ENOX1: variants seen among roughly 807,000 people sequenced by gnomAD.
ENOX1 encodes candidate growth-related and time keeping constitutive hydroquinone (NADH) oxidase.
A neutral mutation model predicts 82.5 loss-of-function variants in ENOX1; 42 were observed. That is an observed-to-expected ratio of 0.51 (90% CI 0.40 to 0.66). The LOEUF (loss-of-function observed/expected upper bound fraction) is 0.66, where lower values mean the gene tolerates loss of function less well. Ranked by LOEUF, ENOX1 falls within the 30% of genes least tolerant of loss-of-function variation. The pLI is 0.00. For synonymous variants in ENOX1, 271 were observed against 282.2 expected, an observed-to-expected ratio of 0.96 and a Z score of 0.40; for missense variants, 608 against 811.6, an observed-to-expected ratio of 0.75 and a Z score of 3.05.
intron 1 of ENOX1, among the ~76,000 whole-genome samples, chr13:43,720,086 AAATT>A (rs1222005834): frequency 1.3e-4 from 9 of 67,470 alleles, no homozygotes; most frequent in Non-Finnish European, 3.0e-4. Context: ...AAATTGTCTA[AAATT>A]AATATAAATT....
chr13:43,516,217 G>A (rs2077554340), intron 2 of ENOX1, among the ~76,000 whole-genome samples: 4 of 152,122 alleles, frequency 2.6e-5, no homozygotes, highest in Admixed American at 2.6e-4. Context: ...TATCATTAAT[G>A]TCTTGACAGA....
chr13:43,634,894 A>G (rs2083355347), intron 2 of ENOX1, among the ~76,000 whole-genome samples: 1 of 152,106 alleles, frequency 6.6e-6, no homozygotes, highest in African/African-American at 2.4e-5. Context: ...GGCACACACC[A>G]CTCTTAGAAC....
intron 14 of ENOX1, among the ~76,000 whole-genome samples, chr13:43,263,673 T>C (rs1394450906): frequency 6.6e-6 from 1 of 152,192 alleles, no homozygotes; most frequent in East Asian, 1.9e-4. Flanking sequence ...CCACATACAT[T>C]CTCTCATTTG....
At position 43,694,846 on chromosome 13, in the gene ENOX1, T is replaced by C. The variant is rs1451011903; in HGVS notation, c.-284-27302A>G. On this transcript the variant is annotated intron_variant, in intron 1 of 16. Transcript: ENST00000690772. ...CCCGTTTCTTTGAGACAATCCTCAT[T>C]ATTGAACATTCTCCCCCTTGAAAGA... Among the ~76,000 whole-genome samples, 6 of 152,178 alleles carry C rather than the reference T, an allele frequency of 3.9e-5. No individual in the cohort carries two copies. In the South Asian group the frequency reaches 1.0e-3, roughly 26 times the overall value.
In ENOX1 at chr13:43,616,178, C is replaced by CTATAGATATCTATAGATATATAGA. The variant is rs1566642064; in HGVS notation, c.-219+51300_-219+51301insTCTATATATCTATAGATATCTATA. The stretch of plus-strand genomic sequence containing the variant: ...GATAGATATCTATCTATCTATCTAT[C>CTATAGATATCTATAGATATATAGA]TATCTATCTATATATATATATATAT... On this transcript the variant is annotated intron_variant, in intron 2 of 16. Transcript: ENST00000690772. 2.6e-3 allele frequency among the ~76,000 whole-genome samples: 17 copies of CTATAGATATCTATAGATATATAGA among 6,564 alleles called. 4 individuals carry two copies. Among genetic ancestry groups the CTATAGATATCTATAGATATATAGA allele is most frequent in the Non-Finnish European group, 2.6e-3 (10 of 3,826 alleles). 4.3% of individuals were successfully genotyped at this position (6,564 alleles called of 152,430 possible).
chr13:43,228,290 T>C (rs1246496578), intron 15 of ENOX1, among the ~76,000 whole-genome samples: 2 of 152,074 alleles, frequency 1.3e-5, no homozygotes, highest in Non-Finnish European at 1.5e-5. Context: ...ATTTAGCTGT[T>C]ACTGAACTGG....
intron 15 of ENOX1, among the ~76,000 whole-genome samples, chr13:43,231,102 G>A (rs1315702579): frequency 6.6e-6 from 1 of 152,160 alleles, no homozygotes; most frequent in African/African-American, 2.4e-5. Flanking sequence ...GCACCTTGGG[G>A]CTTTCCAGAG....
At chr13:43,770,847 G>C (rs975136672) in intron 1 of ENOX1, among the ~76,000 whole-genome samples, 3 of 151,892 alleles carry the variant, frequency 2.0e-5, no homozygotes, top group Admixed American at 6.6e-5. Flanking sequence ...CATTTTTGTG[G>C]GAGAAAAATA....
intron 2 of ENOX1, among the ~76,000 whole-genome samples, chr13:43,641,215 A>G (rs1234331648): frequency 2.0e-5 from 3 of 152,158 alleles, no homozygotes; most frequent in African/African-American, 7.2e-5. Context: ...CTGGAACCCA[A>G]ACATCAGGCT....
chr13:43,761,075 T>A (rs1306689019), intron 1 of ENOX1, among the ~76,000 whole-genome samples: 1 of 152,038 alleles, frequency 6.6e-6, no homozygotes, highest in Non-Finnish European at 1.5e-5. Context: ...CCACCAAGAT[T>A]CTAAGTGAGC....
chr13:43,581,288 A>G (rs2080723635), intron 2 of ENOX1, among the ~76,000 whole-genome samples: 1 of 140,924 alleles, frequency 7.1e-6, no homozygotes, highest in Non-Finnish European at 1.5e-5. Context: ...GCCCGCCACT[A>G]CGCCCGGCTA....
intron 2 of ENOX1, among the ~76,000 whole-genome samples, chr13:43,614,617 C>G (rs913616468): frequency 6.7e-6 from 1 of 148,754 alleles, no homozygotes; most frequent in Non-Finnish European, 1.5e-5. Context: ...CTCCTTCTCT[C>G]CCTGCTCACT....
intron 1 of ENOX1, among the ~76,000 whole-genome samples, chr13:43,730,450 C>G (rs2153821800): frequency 6.6e-6 from 1 of 152,300 alleles, no homozygotes; most frequent in African/African-American, 2.4e-5. Context: ...TCCGATCACT[C>G]TCCAAAGTCT....
chr13:43,319,640 C>T (rs938384237), intron 11 of ENOX1, among the ~76,000 whole-genome samples: 14 of 152,076 alleles, frequency 9.2e-5, no homozygotes, highest in Non-Finnish European at 2.1e-4. Context: ...CCTGGGGGAC[C>T]ACAGACAGAG....
At chr13:43,474,061 G>T (rs2058179888) in intron 3 of ENOX1, among the ~76,000 whole-genome samples, 1 of 152,084 alleles carries the variant, frequency 6.6e-6, no homozygotes, top group Non-Finnish European at 1.5e-5. Flanking sequence ...GTTTACCACT[G>T]GCTTAGGTTT....
chr13:43,498,886 T>C (rs1051914605), intron 2 of ENOX1, among the ~76,000 whole-genome samples: 7 of 152,120 alleles, frequency 4.6e-5, no homozygotes, highest in Admixed American at 2.0e-4. Flanking sequence ...GACTGGATGA[T>C]AGAATTAGTG....
chr13:43,466,081 G>C (rs2057705583), intron 3 of ENOX1, among the ~76,000 whole-genome samples: 1 of 152,242 alleles, frequency 6.6e-6, no homozygotes, highest in East Asian at 1.9e-4. Context: ...CCAGTTAAAG[G>C]AATGTGGGTA....
intron 2 of ENOX1, among the ~76,000 whole-genome samples, chr13:43,602,499 A>G (rs1343796525): frequency 6.6e-6 from 1 of 152,152 alleles, no homozygotes; most frequent in Non-Finnish European, 1.5e-5. Context: ...TTCCACATTT[A>G]TCTTATAAAA....
rs1268052498 is a variant in ENOX1 at position 43,267,236 on chromosome 13, A to C, written c.1555-1782T>G. Among the ~76,000 whole-genome samples the C allele has an allele frequency of 3.9e-5, 6 of 152,194 alleles. 1 individual carries two copies. Among genetic ancestry groups the C allele is most frequent in the Admixed American group, 3.9e-4 (6 of 15,284 alleles). The stretch of plus-strand genomic sequence containing the variant: ...GCTACTCTCCCCCAGGTAGGGCTGA[A>C]CATCCTGTCTGATGAAACTGAGGTT... On this transcript the variant is annotated intron_variant, in intron 13 of 16. Coordinates refer to ENST00000690772, the MANE Select transcript of ENOX1 (RefSeq NM_001347969.2).
Sources: gnomAD v4.1 joint callset for allele counts (sites outside exome capture counted in the v4.1 genomes callset) on GRCh38, gnomAD v4.1.1 for gene constraint, MANE v1.5 for transcripts, NCBI Gene and HGNC (gene_info 2026-07-23, HGNC 2026-07-21) for gene names.